JAG1: variants seen among roughly 807,000 people sequenced by gnomAD.
The protein encoded by JAG1 is jagged canonical Notch ligand 1, also known as protein jagged-1.
Under a neutral mutation model 148.7 loss-of-function variants are expected in JAG1, and 23 were observed. That is an observed-to-expected ratio of 0.15 (90% CI 0.11 to 0.22). The LOEUF (loss-of-function observed/expected upper bound fraction) is 0.22, where lower values mean the gene tolerates loss of function less well. Among genes scored for constraint, JAG1 ranks in the 10% least tolerant of loss-of-function variants. JAG1 has a pLI of 1.00. For missense variants in JAG1, 1,054 were observed against 1,611.2 expected (o/e 0.65, Z 5.92); for synonymous variants, 572 against 598.3 (o/e 0.96, Z 0.64).
At chr20:10,649,747 A>T in intron 9 of JAG1, 112 bp from the exon 10 acceptor site, 1 of 718,928 alleles carries the variant, frequency 1.4e-6, no homozygotes. Context: ...CATTTTAATA[A>T]GCTAGCTAAA....
Position 10,673,166 on chromosome 20 carries a change from C to CA in JAG1, c.82-161dup, listed in dbSNP as rs33929314. 126,826 of 568,350 alleles carry CA rather than the reference C, an allele frequency of 0.22. 5,205 individuals carry two copies. Among genetic ancestry groups the CA allele is most frequent in the East Asian group, 0.27 (8,918 of 33,038 alleles). The allele number at this position is 568,350 out of a possible 1,614,324, so 35.2% of individuals were successfully genotyped here. On this transcript the variant is annotated intron_variant, in intron 1 of 25. Transcript: ENST00000254958. The surrounding 1 kb of genome is among the most constrained non-coding windows in gnomAD (Gnocchi z 4.7). ...TCAAGGACTCAACATGATTCCGGGGCAAAAAAAAAAAAAAATGCACGAGTG... is the reference window on the plus strand; with the variant it reads ...TCAAGGACTCAACATGATTCCGGGGCAAAAAAAAAAAAAAAATGCACGAGTG...
At position 10,672,849 on chromosome 20, in the gene JAG1, T is replaced by C. The variant is rs1232841882; in HGVS notation, c.239A>G (p.Lys80Arg). The change falls in exon 2 of 26, where the codon AAG (lysine) becomes AGG (arginine). Residue 80 changes from lysine (K) to arginine (R), a missense_variant. By Grantham distance (26) the Lys-to-Arg change is conservative. This residue lies in a region of JAG1 where 151 missense variants were observed against 211.1 expected (regional missense o/e 0.72). Coordinates refer to ENST00000254958, the MANE Select transcript of JAG1 (RefSeq NM_000214.3). ...GGCCGTGACGCGGGACTGATACTCC[T>C]TGAGGCACACTTTGAAGTATGTGTC... is the stretch of plus-strand genomic sequence containing the variant. Reference protein sequence around the residue: ...ECDTYFKVCLKEYQSRVTAGG... With the variant: ...ECDTYFKVCLREYQSRVTAGG... 3 of 1,613,204 alleles carry C rather than the reference T, an allele frequency of 1.9e-6. No individual in the cohort carries two copies. Among genetic ancestry groups the C allele is most frequent in the East Asian group, 4.5e-5 (2 of 44,876 alleles).
chr20:10,638,139 CT>C lies in JAG1; in HGVS notation c.*1358del, dbSNP rs1568789753. ...AACAAGATTACTCTGTTTTATAAGC[CT>C]TTTTGATCTTGAACTTCGTAATAGC... On this transcript the variant is annotated 3_prime_UTR_variant, in exon 26 of 26. Coordinates refer to ENST00000254958, the MANE Select transcript of JAG1 (RefSeq NM_000214.3). 1 of 152,586 alleles carries C rather than the reference CT, an allele frequency of 6.6e-6. No homozygotes were observed. Among genetic ancestry groups the C allele is most frequent in the African/African-American group, 2.4e-5 (1 of 41,442 alleles). The allele number at this position is 152,586 out of a possible 1,614,324, so 9.5% of individuals were successfully genotyped here.
rs143346449 is a variant in JAG1 at position 10,645,182 on chromosome 20, T to C, written c.2188A>G (p.Met730Val). Residue 730 changes from methionine to valine, a missense_variant, in exon 17 of 26, where the codon ATG becomes GTG. Physicochemically the swap from Met to Val is conservative, Grantham distance 21 (BLOSUM62 1). This residue lies in a region of JAG1 where 342 missense variants were observed against 514.6 expected (regional missense o/e 0.66). Coordinates refer to ENST00000254958, the MANE Select transcript of JAG1 (RefSeq NM_000214.3). This position sits in a 1 kb window ranked among gnomAD's most constrained non-coding sequence, Gnocchi z 6.1. ...GTTCCTTCCCAGCCGCCAGGACACA[T>C]GCACTTAAAAGCATCCCCCTCATCA... ...CYDEGDAFKC[M>V]CPGGWEGTTC... 52 of 1,614,116 alleles carry C rather than the reference T, an allele frequency of 3.2e-5. No individual in the cohort carries two copies. The South Asian group carries it at 3.5e-4, about 11-fold the overall frequency.
chr20:10,645,522 G>C lies in JAG1; in HGVS notation c.2000-53C>G, dbSNP rs1432761065. On this transcript the variant is annotated intron_variant, in intron 15 of 25. Transcript: ENST00000254958. This position sits in a 1 kb window ranked among gnomAD's most constrained non-coding sequence, Gnocchi z 6.1. Reference sequence around the variant, plus strand: ...GAAGACGAGATCCAGGACCATTCACGACAGGCGAGAGCCAAGCCTTTCCTA... The same window carrying C: ...GAAGACGAGATCCAGGACCATTCACCACAGGCGAGAGCCAAGCCTTTCCTA... 18 of 1,423,790 alleles carry C rather than the reference G, an allele frequency of 1.3e-5. No individual in the cohort carries two copies. The highest frequency in any genetic ancestry group is 1.7e-5 in the Admixed American group (1 of 59,658). 88.2% of individuals were successfully genotyped at this position (1,423,790 alleles called of 1,614,324 possible). A position where few individuals can be genotyped will look rare whatever the true frequency, so the allele number is the denominator to read the frequency against.
chr20:10,666,112 G>T (rs2067452307), intron 2 of JAG1, among the ~76,000 whole-genome samples: 1 of 152,050 alleles, frequency 6.6e-6, no homozygotes, highest in Non-Finnish European at 1.5e-5. Flanking sequence ...TTTCCTGTCT[G>T]TTTCAGGGAG....
chr20:10,641,308 G>T, intron 23 of JAG1, 64 bp from the exon 24 acceptor site: 1 of 1,599,702 alleles, frequency 6.3e-7, no homozygotes, highest in Non-Finnish European at 8.6e-7. Context: ...AGGCTGAGAT[G>T]TTCTCTTTGA....
chr20:10,644,807 G>C, intron 18 of JAG1, 56 bp downstream of exon 18: 3 of 1,219,502 alleles, frequency 2.5e-6, no homozygotes, highest in Non-Finnish European at 3.7e-6. Flanking sequence ...AGTCCCCAAG[G>C]GTGTCAGGAT....
chr20:10,645,599 AACACAATCAGGCTT>A lies in JAG1; in HGVS notation c.2000-144_2000-131del. The A allele has an allele frequency of 1.3e-6, 1 of 784,148 alleles. No individual in the cohort carries two copies. The highest frequency in any genetic ancestry group is 1.4e-5 in the South Asian group (1 of 69,926). 48.6% of individuals were successfully genotyped at this position (784,148 alleles called of 1,614,324 possible). A position where few individuals can be genotyped will look rare whatever the true frequency, so the allele number is the denominator to read the frequency against. On this transcript the variant is annotated intron_variant, in intron 15 of 25. Coordinates refer to ENST00000254958, the MANE Select transcript of JAG1 (RefSeq NM_000214.3). The surrounding 1 kb of genome is among the most constrained non-coding windows in gnomAD (Gnocchi z 6.1). The stretch of plus-strand genomic sequence containing the variant: ...AGAACAGCCACAGTCGTAGTACTTT[AACACAATCAGGCTT>A]TTCCAGGAATAAAGGAGCTCCCAAC...
intron 25 of JAG1, 29 bp from the exon 26 acceptor site, chr20:10,639,984 T>C (rs1297804128): frequency 1.3e-6 from 2 of 1,543,458 alleles, no homozygotes; most frequent in Admixed American, 1.7e-5. Context: ...ACCAATTAAC[T>C]CTCCAAGAAA....
chr20:10,668,451 T>G (rs1435151657), intron 2 of JAG1, among the ~76,000 whole-genome samples: 1 of 152,216 alleles, frequency 6.6e-6, no homozygotes, highest in Non-Finnish European at 1.5e-5. Context: ...TGGAAGAATT[T>G]GCAGGAGTAT....
intron 2 of JAG1, among the ~76,000 whole-genome samples, chr20:10,665,900 G>C (rs537733018): frequency 6.6e-6 from 1 of 152,166 alleles, no homozygotes; most frequent in Admixed American, 6.5e-5. Flanking sequence ...GGACGACCAA[G>C]CAGTCTACCA....
chr20:10,640,811 A>G lies in JAG1; in HGVS notation c.3171T>C (p.Val1057=). Residue 1057 remains valine (V), a synonymous_variant, in exon 25 of 26, where the codon GTT becomes GTC. Transcript: ENST00000254958. The stretch of plus-strand genomic sequence containing the variant: ...TTCTGTTCTTCAGAGGCCGCCTCTG[A>G]ACTCTTACTTCTGCAACGGCAGCAA... ...SLIAAVAEVR[V]QRRPLKNRTD... 6.2e-7 allele frequency: 1 copy of G among 1,614,190 alleles called. No homozygotes were observed.
At chr20:10,671,969 G>A (rs1009562415) in intron 2 of JAG1, among the ~76,000 whole-genome samples, 1 of 151,652 alleles carries the variant, frequency 6.6e-6, no homozygotes, top group Non-Finnish European at 1.5e-5. Context: ...GCCCTTCCCG[G>A]GGAAGTCTGC....
chr20:10,656,677 T>C (rs1425166175), intron 4 of JAG1, among the ~76,000 whole-genome samples: 1 of 152,172 alleles, frequency 6.6e-6, no homozygotes, highest in Non-Finnish European at 1.5e-5. Context: ...ATGATATTGT[T>C]TGGGGACAAA....
Position 10,644,966 on chromosome 20 carries a change from GCTA to G in JAG1, c.2238_2240del (p.Ser747del). 1 of 1,613,914 alleles carries G rather than the reference GCTA, an allele frequency of 6.2e-7. No homozygotes were observed. The highest frequency in any genetic ancestry group is 8.5e-7 in the Non-Finnish European group (1 of 1,179,860). On this transcript the variant is annotated inframe_deletion, in exon 18 of 26. Transcript: ENST00000254958. ...CATTATGGCAGGGGTTGGGCAGGCAGCTACTGTTTCGGGCTATAAAAGAAGAGC... is the reference window on the plus strand; with the variant it reads ...CATTATGGCAGGGGTTGGGCAGGCAGCTGTTTCGGGCTATAAAAGAAGAGC...
In JAG1 at chr20:10,656,465, A is replaced by G. The variant is rs1196493493; in HGVS notation, c.695-7T>C. Reference sequence around the variant, plus strand: ...CAGCCTTGTCGGCAAATAGCTGTAAAAAACAGAGAAGGGCGTGTCAGCACA... The same window carrying G: ...CAGCCTTGTCGGCAAATAGCTGTAAGAAACAGAGAAGGGCGTGTCAGCACA... On this transcript the variant is annotated splice_region_variant and splice_polypyrimidine_tract_variant and intron_variant, in intron 4 of 25. Coordinates refer to ENST00000254958, the MANE Select transcript of JAG1 (RefSeq NM_000214.3). 5.0e-6 allele frequency: 8 copies of G among 1,613,608 alleles called. No homozygotes were observed. The highest frequency in any genetic ancestry group is 4.2e-6 in the Non-Finnish European group (5 of 1,179,606).
chr20:10,647,866 C>T (rs2122607455), intron 13 of JAG1, 94 bp downstream of exon 13: 2 of 1,343,816 alleles, frequency 1.5e-6, no homozygotes, highest in East Asian at 2.3e-5. Flanking sequence ...CTCACCAATA[C>T]ATTACTTCTC....
chr20:10,668,128 GGGCTGCTGT>G lies in JAG1; in HGVS notation c.388-4123_388-4115del, dbSNP rs1429126308. Among the ~76,000 whole-genome samples the G allele has an allele frequency of 6.1e-5, 9 of 148,648 alleles. No individual in the cohort carries two copies. The South Asian group carries it at 6.4e-4, about 11-fold the overall frequency. ...AAAAAAAAAAAAAACAGCAGTCACA[GGGCTGCTGT>G]GGTCCATGCGGTAATCAGAAATCAG... On this transcript the variant is annotated intron_variant, in intron 2 of 25. Transcript: ENST00000254958.
Sources: gnomAD v4.1 joint callset for allele counts (sites outside exome capture counted in the v4.1 genomes callset) on GRCh38, gnomAD v4.1.1 for gene constraint, gnomAD v4.1.1 regional missense constraint, Gnocchi (gnomAD v3.1) non-coding constraint, MANE v1.5 for transcripts, NCBI Gene and HGNC (gene_info 2026-07-23, HGNC 2026-07-21) for gene names.